The following TRIM32 variants were observed in gnomAD, a reference collection of about 807,000 sequenced individuals.
TRIM32 encodes the protein tripartite motif containing 32, also known as E3 ubiquitin-protein ligase TRIM32.
In TRIM32, 19 loss-of-function variants were observed where a neutral mutation model predicts 36.0. The ratio of observed to expected loss-of-function variants is 0.53; its 90% confidence interval spans 0.37 to 0.77. The LOEUF is 0.77. TRIM32 is among the 30% of genes least tolerant of loss of function. The pLI is 0.00. For missense variants in TRIM32, 747 were observed against 845.2 expected (o/e 0.88, Z 1.44); for synonymous variants, 309 against 318.5 (o/e 0.97, Z 0.32).
chr9:116,688,539 A>T (rs1022922642), intron 1 of TRIM32, among the ~76,000 whole-genome samples: 24 of 152,160 alleles, frequency 1.6e-4, no homozygotes, highest in African/African-American at 5.3e-4. Flanking sequence ...GGAGTGTGGT[A>T]ATCCCTGTGA....
In TRIM32 at chr9:116,698,152, C is replaced by T. The variant is rs897930061; in HGVS notation, c.410C>T (p.Pro137Leu). Reference sequence around the variant, plus strand: ...CAGCCTCCTGGCCACTGTACACTCCCTGTCAAAGAAGCAGCTGAGGAGCGG... The same window carrying T: ...CAGCCTCCTGGCCACTGTACACTCCTTGTCAAAGAAGCAGCTGAGGAGCGG... Reference protein sequence around the residue: ...DHQPPGHCTLPVKEAAEERRR... With the variant: ...DHQPPGHCTLLVKEAAEERRR... The change falls in exon 2 of 2, where the codon CCT becomes CTT. Residue 137 changes from proline to leucine, a missense_variant. Physicochemically the swap from Pro to Leu is moderately conservative, Grantham distance 98 (BLOSUM62 -3). Coordinates refer to ENST00000450136, the MANE Select transcript of TRIM32 (RefSeq NM_012210.4). The surrounding 1 kb of genome is among the most constrained non-coding windows in gnomAD (Gnocchi z 4.4). The T allele has an allele frequency of 1.4e-5, 22 of 1,614,038 alleles. No individual in the cohort carries two copies. The highest frequency in any genetic ancestry group is 1.8e-5 in the Non-Finnish European group (21 of 1,180,052).
In TRIM32 at chr9:116,699,321, G is replaced by C; in HGVS notation, c.1579G>C (p.Val527Leu). 1.2e-6 allele frequency: 2 copies of C among 1,614,184 alleles called. No homozygotes were observed. The highest frequency in any genetic ancestry group is 1.7e-6 in the Non-Finnish European group (2 of 1,180,042). The stretch of plus-strand genomic sequence containing the variant: ...TGTCACCTGTGATGCTGAGGGCACC[G>C]TCTACTTCACCCAGGGCTTAGGCCT... ...KFVTCDAEGT[V>L]YFTQGLGLNL... The change falls in exon 2 of 2, where the codon GTC becomes CTC. Residue 527 changes from valine (V) to leucine (L), a missense_variant. Coordinates refer to ENST00000450136, the MANE Select transcript of TRIM32 (RefSeq NM_012210.4). The surrounding 1 kb of genome is among the most constrained non-coding windows in gnomAD (Gnocchi z 4.2).
intron 1 of TRIM32, among the ~76,000 whole-genome samples, chr9:116,695,559 A>G (rs1860803704): frequency 6.6e-6 from 1 of 152,182 alleles, no homozygotes; most frequent in East Asian, 1.9e-4. Flanking sequence ...AGTGTTCTTG[A>G]GCTAAATGCA....
chr9:116,690,174 G>A (rs1860495178), intron 1 of TRIM32, among the ~76,000 whole-genome samples: 1 of 152,192 alleles, frequency 6.6e-6, no homozygotes, highest in Non-Finnish European at 1.5e-5. Flanking sequence ...CTTGTCAGTA[G>A]CTACGGCACT....
chr9:116,697,735 G>A lies in TRIM32; in HGVS notation c.-8G>A. ...GCTGTGCTAGCAATACCCTTCAAAG[G>A]AAGAGCAATGGCTGCAGCAGCAGCT... On this transcript the variant is annotated 5_prime_UTR_variant, in exon 2 of 2. Coordinates refer to ENST00000450136, the MANE Select transcript of TRIM32 (RefSeq NM_012210.4). The A allele has an allele frequency of 6.2e-7, 1 of 1,613,778 alleles. No individual in the cohort carries two copies.
Position 116,698,004 on chromosome 9 carries a change from A to G in TRIM32, c.262A>G (p.Thr88Ala). ...TCTGACAGTGCTAAAGATCATTGAT[A>G]CAGCTGGGCTCAGCGAGGCTGTGGG... ...DNLTVLKIID[T>A]AGLSEAVGLL... Residue 88 changes from threonine to alanine, a missense_variant, in exon 2 of 2, where the codon ACA becomes GCA. Transcript: ENST00000450136. The surrounding 1 kb of genome is among the most constrained non-coding windows in gnomAD (Gnocchi z 4.4). 6.2e-7 allele frequency: 1 copy of G among 1,614,164 alleles called. No individual in the cohort carries two copies. The highest frequency in any genetic ancestry group is 8.5e-7 in the Non-Finnish European group (1 of 1,180,050).
At chr9:116,696,917 C>T (rs1261731137) in intron 1 of TRIM32, among the ~76,000 whole-genome samples, 1 of 150,338 alleles carries the variant, frequency 6.7e-6, no homozygotes, top group East Asian at 2.0e-4. Context: ...TCCTAGGCCC[C>T]CAAACATGAC....
chr9:116,699,890 T>G lies in TRIM32; in HGVS notation c.*186T>G, dbSNP rs763124613. On this transcript the variant is annotated 3_prime_UTR_variant, in exon 2 of 2. Transcript: ENST00000450136. The surrounding 1 kb of genome is among the most constrained non-coding windows in gnomAD (Gnocchi z 4.2). ...TATGTCCCCCTCCCCGCTTCCCACC[T>G]AAATTTAGAGCTTTAAAAGATGCAC... 3.8e-6 allele frequency: 3 copies of G among 789,262 alleles called. No individual in the cohort carries two copies. Among genetic ancestry groups the G allele is most frequent in the Admixed American group, 2.8e-5 (1 of 36,336 alleles). 48.9% of individuals were successfully genotyped at this position (789,262 alleles called of 1,614,324 possible).
At position 116,699,262 on chromosome 9, in the gene TRIM32, A is replaced by G. The variant is rs760400497; in HGVS notation, c.1520A>G (p.Tyr507Cys). ...GATCGAGGATCAGGGGTGGTCAAAT[A>G]CAGCTGCCTATGTAGTGCTGTGCGG... The part of the protein sequence containing the change: ...TVDRGSGVVK[Y>C]SCLCSAVRPK... The change falls in exon 2 of 2, where the codon TAC (tyrosine) becomes TGC (cysteine). Residue 507 changes from tyrosine to cysteine, a missense_variant. By Grantham distance (194) the Tyr-to-Cys change is radical (BLOSUM62 -2). Transcript: ENST00000450136. The surrounding 1 kb of genome is among the most constrained non-coding windows in gnomAD (Gnocchi z 4.2). The G allele has an allele frequency of 6.2e-7, 1 of 1,614,206 alleles. No individual in the cohort carries two copies. Among genetic ancestry groups the G allele is most frequent in the Admixed American group, 1.7e-5 (1 of 60,022 alleles).
At chr9:116,688,346 TTGTGGATTGG>T (rs1480278504) in intron 1 of TRIM32, among the ~76,000 whole-genome samples, 2 of 151,894 alleles carry the variant, frequency 1.3e-5, no homozygotes, top group African/African-American at 2.4e-5. Context: ...CTGAGTAGAT[TTGTGGATTGG>T]TGTCTTGGGC....
chr9:116,689,793 G>A (rs1728864171), intron 1 of TRIM32, among the ~76,000 whole-genome samples: 1 of 152,110 alleles, frequency 6.6e-6, no homozygotes, highest in South Asian at 2.1e-4. Context: ...CAAGACCTGG[G>A]GCTAGATAAG....
intron 1 of TRIM32, among the ~76,000 whole-genome samples, chr9:116,695,674 T>A (rs1318733683): frequency 6.6e-6 from 1 of 152,218 alleles, no homozygotes; most frequent in Admixed American, 6.5e-5. Context: ...AGGATTTGCG[T>A]TTATGAAATG....
At chr9:116,690,469 G>T (rs1250521021) in intron 1 of TRIM32, among the ~76,000 whole-genome samples, 1 of 152,198 alleles carries the variant, frequency 6.6e-6, no homozygotes, top group Non-Finnish European at 1.5e-5. Context: ...CTGGAGAATA[G>T]TTGGAAGCCA....
chr9:116,699,095 C>A lies in TRIM32; in HGVS notation c.1353C>A (p.Ser451=). The A allele has an allele frequency of 6.2e-7, 1 of 1,614,052 alleles. No homozygotes were observed. Among genetic ancestry groups the A allele is most frequent in the Non-Finnish European group, 8.5e-7 (1 of 1,179,938 alleles). ...LIGVTDSYDN[S]LKVYTLDGHC... ...GTGTGACTGACAGCTATGATAACTC[C>A]CTCAAGGTATATACCTTGGATGGCC... Residue 451 remains serine (S), a synonymous_variant, in exon 2 of 2, where the codon TCC becomes TCA. Transcript: ENST00000450136. This position sits in a 1 kb window ranked among gnomAD's most constrained non-coding sequence, Gnocchi z 4.2.
At chr9:116,694,154 A>AT (rs1396319949) in intron 1 of TRIM32, among the ~76,000 whole-genome samples, 1 of 152,118 alleles carries the variant, frequency 6.6e-6, no homozygotes, top group Admixed American at 6.6e-5. Context: ...TAGTAAATTC[A>AT]TTTTTTTAAA....
At chr9:116,694,534 C>T (rs1454360163) in intron 1 of TRIM32, among the ~76,000 whole-genome samples, 1 of 142,856 alleles carries the variant, frequency 7.0e-6, no homozygotes, top group African/African-American at 2.6e-5. Flanking sequence ...CGTCTCGGCT[C>T]ACTGCAAGCT....
rs761193342 is a variant in TRIM32 at position 116,699,613 on chromosome 9, T to C, written c.1871T>C (p.Leu624Pro). Residue 624 changes from leucine (L) to proline (P), a missense_variant, in exon 2 of 2, where the codon CTA becomes CCA. Transcript: ENST00000450136. This position sits in a 1 kb window ranked among gnomAD's most constrained non-coding sequence, Gnocchi z 4.2. ...EGLTCPVGIALTPKGQLLVLD... is the reference protein window; with the variant it reads ...EGLTCPVGIAPTPKGQLLVLD... ...CTTACCTGTCCGGTGGGCATAGCCC[T>C]AACTCCTAAGGGGCAGCTGCTGGTC... is the stretch of plus-strand genomic sequence containing the variant. 5 of 1,614,228 alleles carry C rather than the reference T, an allele frequency of 3.1e-6. No individual in the cohort carries two copies. Among genetic ancestry groups the C allele is most frequent in the Non-Finnish European group, 3.4e-6 (4 of 1,180,038 alleles).
intron 1 of TRIM32, 28 bp from the exon 2 acceptor site, chr9:116,697,634 A>G: frequency 7.2e-7 from 1 of 1,398,594 alleles, no homozygotes; most frequent in Non-Finnish European, 9.8e-7. Flanking sequence ...TCAGAGGAAA[A>G]TGAATAATGG....
Position 116,699,821 on chromosome 9 carries a change from G to A in TRIM32, c.*117G>A. ...CCTATGTCCTGATTCCAGCTGGGTA[G>A]TTCTAGAACTTCAGAAGCTCCATCT... is the stretch of plus-strand genomic sequence containing the variant. On this transcript the variant is annotated 3_prime_UTR_variant, in exon 2 of 2. Transcript: ENST00000450136. The surrounding 1 kb of genome is among the most constrained non-coding windows in gnomAD (Gnocchi z 4.2). The A allele has an allele frequency of 8.5e-6, 12 of 1,406,098 alleles. No homozygotes were observed. The highest frequency in any genetic ancestry group is 1.1e-5 in the Non-Finnish European group (11 of 1,012,434). 87.1% of individuals were successfully genotyped at this position (1,406,098 alleles called of 1,614,324 possible).
Sources: allele counts gnomAD v4.1 joint callset (sites outside exome capture counted in the v4.1 genomes callset), GRCh38; gene constraint gnomAD v4.1.1; non-coding constraint Gnocchi (gnomAD v3.1); transcripts MANE v1.5; gene names NCBI Gene and HGNC (gene_info 2026-07-23, HGNC 2026-07-21).